The following FYB2 variants were observed in gnomAD, a reference collection of about 807,000 sequenced individuals.
The protein encoded by FYB2 is FYN-binding protein 2.
FYB2 carries 103 observed loss-of-function variants against 94.1 expected under a neutral mutation model. The ratio of observed to expected loss-of-function variants is 1.09; its 90% CI spans 0.93 to 1.29. The LOEUF (loss-of-function observed/expected upper bound fraction) is 1.29, where lower values mean the gene tolerates loss of function less well. FYB2 is among the 50% of genes most tolerant of loss of function. The probability of loss-of-function intolerance (pLI) is 0.00; values close to 1 mark genes in which losing one functional copy is unlikely to be tolerated. For missense variants in FYB2, 896 were observed against 841.5 expected, an observed-to-expected ratio of 1.06 and a Z score of -0.80; for synonymous variants, 293 against 287.9, an observed-to-expected ratio of 1.02 and a Z score of -0.18.
intron 1 of FYB2, among the ~76,000 whole-genome samples, chr1:56,803,942 A>C (rs1231789157): frequency 6.6e-6 from 1 of 152,166 alleles, no homozygotes; most frequent in Non-Finnish European, 1.5e-5. Flanking sequence ...CTCTTCTGGC[A>C]ATTGTTCTTA....
intron 4 of FYB2, among the ~76,000 whole-genome samples, chr1:56,771,914 T>C (rs1187129786): frequency 6.6e-6 from 1 of 151,498 alleles, no homozygotes; most frequent in African/African-American, 2.4e-5. Flanking sequence ...TATTTTCTAG[T>C]TTTTTTTGCA....
intron 4 of FYB2, among the ~76,000 whole-genome samples, chr1:56,770,820 C>T (rs115738715): frequency 0.012 from 1,896 of 152,038 alleles, 13 homozygotes; most frequent in African/African-American, 0.023. Context: ...GAAAATTGGA[C>T]GAAAGTATAT....
intron 15 of FYB2, among the ~76,000 whole-genome samples, chr1:56,729,342 T>C (rs2100525202): frequency 6.6e-6 from 1 of 151,876 alleles, no homozygotes; most frequent in African/African-American, 2.4e-5. Context: ...ACAGTTTGAG[T>C]TATTGGAAGA....
At chr1:56,790,655 A>G (rs1009375597) in intron 2 of FYB2, among the ~76,000 whole-genome samples, 1 of 152,208 alleles carries the variant, frequency 6.6e-6, no homozygotes, top group Non-Finnish European at 1.5e-5. Context: ...GAGAACAAGA[A>G]CATGTATATT....
intron 1 of FYB2, among the ~76,000 whole-genome samples, chr1:56,803,658 C>T (rs148660922): frequency 1.1e-4 from 16 of 152,310 alleles, no homozygotes; most frequent in African/African-American, 3.8e-4. Context: ...AAGTATCTAT[C>T]AGTTAAAGTG....
At chr1:56,723,438 A>G (rs369092491) in intron 17 of FYB2, 150 bp downstream of exon 17, 1 of 500,280 alleles carries the variant, frequency 2.0e-6, no homozygotes, top group Non-Finnish European at 3.5e-6. Flanking sequence ...TGTACCAGGA[A>G]AAAATAGGAA....
At chr1:56,811,924 T>C (rs897974323) in intron 1 of FYB2, among the ~76,000 whole-genome samples, 1 of 129,382 alleles carries the variant, frequency 7.7e-6, no homozygotes, top group Admixed American at 7.6e-5. Flanking sequence ...AAACCTTTCC[T>C]AACCATTTTT....
rs368106654 is a variant in FYB2 at position 56,759,563 on chromosome 1, C to T, written c.1064-813G>A. Among the ~76,000 whole-genome samples the T allele has an allele frequency of 1.2e-4, 19 of 152,210 alleles. No homozygotes were observed. In the East Asian group the frequency reaches 3.5e-3, roughly 28 times the overall value. ...ACAGTATTATCATCTTATGGGACCA[C>T]GGCTGGATACACAATTCATTGTTAA... On this transcript the variant is annotated intron_variant, in intron 5 of 19. Transcript: ENST00000343433.
intron 13 of FYB2, among the ~76,000 whole-genome samples, chr1:56,740,064 T>A (rs567394775): frequency 6.6e-6 from 1 of 152,184 alleles, no homozygotes; most frequent in East Asian, 1.9e-4. Flanking sequence ...GGAAGTGATA[T>A]GCCCACAGTT....
intron 8 of FYB2, among the ~76,000 whole-genome samples, chr1:56,753,408 G>C: frequency 6.6e-6 from 1 of 152,242 alleles, no homozygotes; most frequent in Non-Finnish European, 1.5e-5. Flanking sequence ...ATTGGCATGG[G>C]AATGGGGATG....
At chr1:56,806,257 A>G (rs1405445447) in intron 1 of FYB2, among the ~76,000 whole-genome samples, 2 of 152,228 alleles carry the variant, frequency 1.3e-5, no homozygotes, top group African/African-American at 2.4e-5. Flanking sequence ...CTGGGGACAG[A>G]GAGAACTTTC....
chr1:56,719,947 G>T (rs1296097764), intron 19 of FYB2, 75 bp downstream of exon 19: 1 of 1,395,448 alleles, frequency 7.2e-7, no homozygotes, highest in Non-Finnish European at 9.8e-7. Flanking sequence ...AAATTCAGTA[G>T]TCTTCTCTTG....
chr1:56,726,858 G>A (rs1302126316), intron 15 of FYB2, among the ~76,000 whole-genome samples: 1 of 152,022 alleles, frequency 6.6e-6, no homozygotes, highest in Non-Finnish European at 1.5e-5. Context: ...GCTGACCCCT[G>A]ATGTGTGGTA....
chr1:56,751,290 C>T, intron 8 of FYB2, 87 bp from the exon 9 acceptor site: 2 of 1,271,970 alleles, frequency 1.6e-6, no homozygotes, highest in Non-Finnish European at 1.1e-6. Flanking sequence ...TCATTCATTC[C>T]TCATGGATAA....
rs137895268 is a variant in FYB2 at position 56,719,676 on chromosome 1, G to T, written c.2182C>A (p.Pro728Thr). ...HLDFKHQSWS[P>T] ...AGCATTTGATCTTGATTTTTCTAAG[G>T]TGACCAACTTTGATGCCTGTGAAAA... The change falls in exon 20 of 20, where the codon CCT becomes ACT. Residue 728 changes from proline to threonine, a missense_variant. Coordinates refer to ENST00000343433, the MANE Select transcript of FYB2 (RefSeq NM_001004303.5). 2 of 1,597,096 alleles carry T rather than the reference G, an allele frequency of 1.3e-6. No homozygotes were observed. The highest frequency in any genetic ancestry group is 2.7e-5 in the African/African-American group (2 of 74,282).
At chr1:56,790,804 G>A (rs1340942574) in intron 2 of FYB2, among the ~76,000 whole-genome samples, 1 of 152,176 alleles carries the variant, frequency 6.6e-6, no homozygotes, top group Non-Finnish European at 1.5e-5. Context: ...TTGATGATGA[G>A]GCAGTACACT....
chr1:56,797,554 C>G (rs12239995), intron 1 of FYB2, among the ~76,000 whole-genome samples: 4,434 of 152,138 alleles, frequency 0.029, 221 homozygotes, highest in African/African-American at 0.099. Flanking sequence ...ACAGAGGTGT[C>G]CATAGCTTGG....
chr1:56,754,147 G>C (rs1557612557), intron 7 of FYB2, among the ~76,000 whole-genome samples: 1 of 151,948 alleles, frequency 6.6e-6, no homozygotes, highest in African/African-American at 2.4e-5. Context: ...GTCAATTGCT[G>C]CTTAAAATCT....
chr1:56,750,805 G>T (rs938706121), intron 9 of FYB2, among the ~76,000 whole-genome samples: 4 of 151,932 alleles, frequency 2.6e-5, no homozygotes, highest in Non-Finnish European at 5.9e-5. Context: ...TGAGTTGCAG[G>T]AATATGAAGT....
Sources: allele counts gnomAD v4.1 joint callset (sites outside exome capture counted in the v4.1 genomes callset), GRCh38; gene constraint gnomAD v4.1.1; transcripts MANE v1.5; gene names NCBI Gene and HGNC (gene_info 2026-07-23, HGNC 2026-07-21).